AMOTL1: variants seen among roughly 807,000 people sequenced by gnomAD.
AMOTL1 encodes the protein angiomotin-like protein 1.
In AMOTL1, 45 loss-of-function variants were observed where a neutral mutation model predicts 102.9. The observed-to-expected ratio is 0.44, with a 90% CI of 0.34 to 0.56. The LOEUF (loss-of-function observed/expected upper bound fraction) is 0.56. Ranked by LOEUF, AMOTL1 falls within the 20% of genes least tolerant of loss-of-function variation. The pLI is 0.01. For missense variants in AMOTL1, 1,114 were observed against 1,225.6 expected (o/e 0.91, Z 1.36); for synonymous variants, 481 against 484.7 (o/e 0.99, Z 0.10).
chr11:94,746,563 C>T (rs1200721170), intron 3 of AMOTL1, among the ~76,000 whole-genome samples: 1 of 152,174 alleles, frequency 6.6e-6, no homozygotes, highest in Non-Finnish European at 1.5e-5. Flanking sequence ...CCCCTCTTCC[C>T]CCTTCTCCCT....
In AMOTL1 at chr11:94,821,656, T is replaced by C. The variant is rs1235239953; in HGVS notation, c.1248T>C (p.Gly416=). Residue 416 remains glycine, a synonymous_variant, in exon 4 of 13, where the codon GGT becomes GGC. Transcript: ENST00000433060. ...CGCTTCCACTCCCGATGGCCCTGGGTGCTCCACAGCCCCCGCCTGCCGCCT... is the reference window on the plus strand; with the variant it reads ...CGCTTCCACTCCCGATGGCCCTGGGCGCTCCACAGCCCCCGCCTGCCGCCT... ...SLPLPLPMAL[G]APQPPPAASP... is the part of the protein sequence containing the mutation. The C allele has an allele frequency of 6.2e-7, 1 of 1,613,828 alleles. No homozygotes were observed. The highest frequency in any genetic ancestry group is 8.5e-7 in the Non-Finnish European group (1 of 1,179,894).
At chr11:94,794,917 C>A in intron 1 of AMOTL1, 94 bp from the exon 2 acceptor site, 1 of 1,371,750 alleles carries the variant, frequency 7.3e-7, no homozygotes, top group South Asian at 1.5e-5. Flanking sequence ...AGTTGAAACA[C>A]TGTGGGAGAA....
At position 94,841,105 on chromosome 11, in the gene AMOTL1, G is replaced by A. The variant is rs542422163; in HGVS notation, c.1649-9009G>A. On this transcript the variant is annotated intron_variant, in intron 6 of 12. Transcript: ENST00000433060. ...AAATCGTCCAGGAGGGTCTTACTTT[G>A]TCATATCTGCAACTAGAAGTGTCAG... Among the ~76,000 whole-genome samples the A allele has an allele frequency of 2.2e-3, 331 of 152,150 alleles. 2 individuals carry two copies. The highest frequency in any genetic ancestry group is 7.8e-3 in the African/African-American group (323 of 41,514).
chr11:94,802,405 C>G (rs1951495315), intron 3 of AMOTL1, among the ~76,000 whole-genome samples: 1 of 152,182 alleles, frequency 6.6e-6, no homozygotes, highest in Non-Finnish European at 1.5e-5. Flanking sequence ...AATGAAATCC[C>G]CTTCCTCTTC....
chr11:94,846,688 C>G lies in AMOTL1; in HGVS notation c.1649-3426C>G, dbSNP rs569619157. Among the ~76,000 whole-genome samples the G allele has an allele frequency of 7.9e-5, 12 of 152,310 alleles. No homozygotes were observed. In the South Asian group the frequency reaches 2.5e-3, roughly 32 times the overall value. ...GTGTTATAATGGGGCTCTTCTATCC[C>G]TATGTGTGCTTGGAGAGGAGGGGCA... On this transcript the variant is annotated intron_variant, in intron 6 of 12. Coordinates refer to ENST00000433060, the MANE Select transcript of AMOTL1 (RefSeq NM_130847.3).
chr11:94,852,021 G>A (rs1952550101), intron 7 of AMOTL1, among the ~76,000 whole-genome samples: 1 of 152,204 alleles, frequency 6.6e-6, no homozygotes, highest in South Asian at 2.1e-4. Context: ...GACCAAAATA[G>A]GCAAATCTCT....
Position 94,768,681 on chromosome 11 carries a change from CG to C in AMOTL1, c.49+125del, listed in dbSNP as rs953691614. On this transcript the variant is annotated intron_variant, in intron 1 of 12. Coordinates refer to ENST00000433060, the MANE Select transcript of AMOTL1 (RefSeq NM_130847.3). Reference sequence around the variant, plus strand: ...CGGAAGGGGGCAGCTTCTGGGGGCCCGGGGCTGAGATCCCAGATTGTTGTTT... The same window carrying C: ...CGGAAGGGGGCAGCTTCTGGGGGCCCGGGCTGAGATCCCAGATTGTTGTTT... The C allele has an allele frequency of 3.5e-6, 5 of 1,433,878 alleles. No individual in the cohort carries two copies. The African/African-American group carries it at 7.2e-5, about 21-fold the overall frequency. 88.8% of individuals were successfully genotyped at this position (1,433,878 alleles called of 1,614,324 possible).
intron 3 of AMOTL1, chr11:94,741,054 G>C (rs779294030): frequency 4.8e-6 from 6 of 1,238,416 alleles, no homozygotes; most frequent in Non-Finnish European, 6.4e-6. Flanking sequence ...CGAGTTTGGG[G>C]GGCGTCCATA....
intron 3 of AMOTL1, among the ~76,000 whole-genome samples, chr11:94,743,444 G>A (rs1950552314): frequency 6.6e-6 from 1 of 152,104 alleles, no homozygotes; most frequent in Admixed American, 6.5e-5. Flanking sequence ...AGACGGAGCT[G>A]TCATTTCTCC....
intron 11 of AMOTL1, among the ~76,000 whole-genome samples, chr11:94,867,046 T>C (rs746110471): frequency 1.2e-4 from 18 of 152,144 alleles, no homozygotes; most frequent in Non-Finnish European, 2.6e-4. Context: ...TTGATGCATT[T>C]CCCCACATCA....
chr11:94,813,736 C>G (rs1951721791), intron 3 of AMOTL1, among the ~76,000 whole-genome samples: 2 of 152,198 alleles, frequency 1.3e-5, no homozygotes, highest in Admixed American at 1.3e-4. Flanking sequence ...TCACAATGCC[C>G]TGCTTTCACC....
At position 94,873,785 on chromosome 11, in the gene AMOTL1, A is replaced by G. The variant is rs1565393294; in HGVS notation, c.*2990A>G. On this transcript the variant is annotated 3_prime_UTR_variant, in exon 13 of 13. Coordinates refer to ENST00000433060, the MANE Select transcript of AMOTL1 (RefSeq NM_130847.3). ...TGTGTGCACGTGTAACTACACACACACACACACACACACACACACACACAC... is the reference window on the plus strand; with the variant it reads ...TGTGTGCACGTGTAACTACACACACGCACACACACACACACACACACACAC... The G allele has an allele frequency of 7.0e-6, 1 of 142,066 alleles. No homozygotes were observed. The highest frequency in any genetic ancestry group is 1.5e-5 in the Non-Finnish European group (1 of 66,494). 8.8% of individuals were successfully genotyped at this position (142,066 alleles called of 1,614,324 possible). A position where few individuals can be genotyped will look rare whatever the true frequency, so the allele number is the denominator to read the frequency against.
At chr11:94,864,488 T>C (rs1279918915) in intron 9 of AMOTL1, among the ~76,000 whole-genome samples, 1 of 152,106 alleles carries the variant, frequency 6.6e-6, no homozygotes, top group African/African-American at 2.4e-5. Flanking sequence ...AAGGAGTTTG[T>C]GGAGTTTTAG....
chr11:94,755,641 C>T (rs76464413), intron 3 of AMOTL1, among the ~76,000 whole-genome samples: 1 of 152,190 alleles, frequency 6.6e-6, no homozygotes, highest in African/African-American at 2.4e-5. Context: ...ATATCCCCGT[C>T]ACAGGGCCTG....
chr11:94,809,348 A>G (rs958468048), intron 3 of AMOTL1, among the ~76,000 whole-genome samples: 2 of 152,140 alleles, frequency 1.3e-5, no homozygotes, highest in East Asian at 1.9e-4. Context: ...CAAGTACCCA[A>G]TAGCCTAGTG....
At chr11:94,782,205 G>C (rs1241741832) in intron 1 of AMOTL1, among the ~76,000 whole-genome samples, 1 of 152,090 alleles carries the variant, frequency 6.6e-6, no homozygotes, top group Non-Finnish European at 1.5e-5. Flanking sequence ...TTCTGGCTTG[G>C]GCATTTGGTA....
At chr11:94,844,492 A>G (rs1446418774) in intron 6 of AMOTL1, among the ~76,000 whole-genome samples, 1 of 152,250 alleles carries the variant, frequency 6.6e-6, no homozygotes, top group Non-Finnish European at 1.5e-5. Flanking sequence ...TACAAACAAT[A>G]GAAGTTTATT....
At chr11:94,747,788 G>T (rs934294808) in intron 3 of AMOTL1, among the ~76,000 whole-genome samples, 2 of 152,168 alleles carry the variant, frequency 1.3e-5, no homozygotes, top group Non-Finnish European at 2.9e-5. Context: ...CCATCTTCTA[G>T]GGGCTCAGAT....
Position 94,830,191 on chromosome 11 carries a change from C to T in AMOTL1, c.1555C>T (p.Arg519Ter), listed in dbSNP as rs902600953. The stretch of plus-strand genomic sequence containing the variant: ...ACTTCATGATTTCAACAGAGACCTC[C>T]GAGGCAGGTTTATTCATGTTCTCTC... ...RRLHDFNRDL[R>*]DRLETANRQL... Residue 519 changes from arginine (R) to a stop codon, truncating the protein, a stop_gained, in exon 5 of 13, where the codon CGA becomes TGA. Transcript: ENST00000433060. LOFTEE classifies it high-confidence loss of function. 2 of 1,599,724 alleles carry T rather than the reference C, an allele frequency of 1.3e-6. No individual in the cohort carries two copies. The highest frequency in any genetic ancestry group is 8.5e-7 in the Non-Finnish European group (1 of 1,174,888).
Sources: gnomAD v4.1 joint callset for allele counts (sites outside exome capture counted in the v4.1 genomes callset) on GRCh38, gnomAD v4.1.1 for gene constraint, MANE v1.5 for transcripts, NCBI Gene and HGNC (gene_info 2026-07-23, HGNC 2026-07-21) for gene names.